PPP1R9A: variants seen among roughly 807,000 people sequenced by gnomAD.
The protein encoded by PPP1R9A is neurabin-1.
In PPP1R9A, 59 loss-of-function variants were observed where a neutral mutation model predicts 141.9. That is an observed-to-expected ratio of 0.42 (90% confidence interval 0.34 to 0.52). The LOEUF (loss-of-function observed/expected upper bound fraction) is 0.52, where lower values mean the gene tolerates loss of function less well. Ranked by LOEUF, PPP1R9A falls within the 20% of genes least tolerant of loss-of-function variation. The pLI is 0.10. For synonymous variants in PPP1R9A, 500 were observed against 569.7 expected, an observed-to-expected ratio of 0.88 and a Z score of 1.74; for missense variants, 1,444 against 1,611.9, an observed-to-expected ratio of 0.90 and a Z score of 1.78.
chr7:94,995,128 A>ATT (rs149964656), intron 2 of PPP1R9A, among the ~76,000 whole-genome samples: 1 of 151,608 alleles, frequency 6.6e-6, no homozygotes, highest in Non-Finnish European at 1.5e-5. Context: ...CTAAGTTGAT[A>ATT]TTTTTTTTCA....
chr7:94,918,357 A>C (rs1421767808), intron 2 of PPP1R9A, among the ~76,000 whole-genome samples: 1 of 152,076 alleles, frequency 6.6e-6, no homozygotes, highest in Non-Finnish European at 1.5e-5. Flanking sequence ...TTCTGCTTGA[A>C]TAATTCTACC....
chr7:94,939,833 C>G (rs973421599), intron 2 of PPP1R9A, among the ~76,000 whole-genome samples: 4 of 151,272 alleles, frequency 2.6e-5, no homozygotes, highest in Non-Finnish European at 4.4e-5. Context: ...CACACACACA[C>G]ACACACACAC....
chr7:94,974,403 G>A (rs1310382843), intron 2 of PPP1R9A, among the ~76,000 whole-genome samples: 1 of 152,158 alleles, frequency 6.6e-6, no homozygotes, highest in East Asian at 1.9e-4. Context: ...GATAAGTTGA[G>A]TGTTATCTTT....
rs993310945 is a variant in PPP1R9A, at chr7:94,910,366, G to C, written c.253G>C (p.Ala85Pro). Residue 85 changes from alanine (A) to proline (P), a missense_variant, in exon 2 of 20, where the codon GCC becomes CCC. Transcript: ENST00000433360. This position sits in a 1 kb window ranked among gnomAD's most constrained non-coding sequence, Gnocchi z 4.5. ...ACCCAACGAGAATGCTGCAGTCATT[G>C]CCAAAACAAGGGGGAAAGGTGGACA... is the stretch of plus-strand genomic sequence containing the variant. ...MEPNENAAVI[A>P]KTRGKGGHSS... 1 of 1,614,100 alleles carries C rather than the reference G, an allele frequency of 6.2e-7. No homozygotes were observed. Among genetic ancestry groups the C allele is most frequent in the African/African-American group, 1.3e-5 (1 of 75,020 alleles).
At position 95,285,602 on chromosome 7, in the gene PPP1R9A, G is replaced by A. The variant is rs150867870; in HGVS notation, c.3610-604G>A. ...TTGGAAACCTGTGTCTGTGCTGTGT[G>A]GCAGCCTCTCTGATGCTCTGCGGGT... On this transcript the variant is annotated intron_variant, in intron 17 of 19. Coordinates refer to ENST00000433360, the MANE Select transcript of PPP1R9A (RefSeq NM_001166160.2). Among the ~76,000 whole-genome samples, 473 of 152,312 alleles carry A rather than the reference G, an allele frequency of 3.1e-3. 1 individual carries two copies. Among genetic ancestry groups the A allele is most frequent in the Non-Finnish European group, 4.6e-3 (316 of 68,028 alleles).
chr7:95,255,626 G>A (rs534537191), intron 12 of PPP1R9A, among the ~76,000 whole-genome samples: 7 of 152,240 alleles, frequency 4.6e-5, no homozygotes, highest in South Asian at 2.1e-4. Flanking sequence ...TATATGATTT[G>A]TGGGATCAAG....
At chr7:95,041,615 A>C (rs539422826) in intron 2 of PPP1R9A, among the ~76,000 whole-genome samples, 1 of 152,094 alleles carries the variant, frequency 6.6e-6, no homozygotes, top group African/African-American at 2.4e-5. Context: ...TTCCTATTGC[A>C]AAGGCTGTGC....
At chr7:95,024,470 G>T (rs1584328181) in intron 2 of PPP1R9A, among the ~76,000 whole-genome samples, 1 of 152,108 alleles carries the variant, frequency 6.6e-6, no homozygotes, top group East Asian at 1.9e-4. Context: ...TGTAGTGGGT[G>T]CATGTATATT....
intron 19 of PPP1R9A, 98 bp from the exon 20 acceptor site, chr7:95,289,993 G>A: frequency 1.4e-5 from 22 of 1,524,676 alleles, no homozygotes; most frequent in Non-Finnish European, 1.9e-5. Context: ...CCTCTTCAAT[G>A]TTTGAATTAG....
intron 2 of PPP1R9A, among the ~76,000 whole-genome samples, chr7:95,070,974 T>C (rs1388895454): frequency 6.6e-6 from 1 of 151,922 alleles, no homozygotes; most frequent in Non-Finnish European, 1.5e-5. Context: ...TGAGGAATAT[T>C]TTTTGTGAGA....
chr7:95,013,225 T>C (rs1804670905), intron 2 of PPP1R9A, among the ~76,000 whole-genome samples: 1 of 152,062 alleles, frequency 6.6e-6, no homozygotes, highest in Admixed American at 6.6e-5. Flanking sequence ...AGGATAGGGG[T>C]TTACCGATGG....
intron 2 of PPP1R9A, among the ~76,000 whole-genome samples, chr7:94,961,299 A>T (rs1227270876): frequency 6.6e-6 from 1 of 151,692 alleles, no homozygotes; most frequent in Non-Finnish European, 1.5e-5. Context: ...TTTTGGTTGT[A>T]TTGAATGTTT....
At chr7:94,992,267 C>A (rs762881683) in intron 2 of PPP1R9A, among the ~76,000 whole-genome samples, 3 of 152,140 alleles carry the variant, frequency 2.0e-5, no homozygotes, top group Admixed American at 6.5e-5. Context: ...TAAATCCAGC[C>A]TTTTTGTTCA....
rs537295951 is a variant in PPP1R9A at position 94,999,894 on chromosome 7, C to G, written c.1395+88386C>G. Among the ~76,000 whole-genome samples, 324 of 151,830 alleles carry G rather than the reference C, an allele frequency of 2.1e-3. 4 individuals are homozygous for G. The highest frequency in any genetic ancestry group is 7.3e-3 in the African/African-American group (304 of 41,362). ...TTAGCTCTTGGCAACCTCGGACTGC[C>G]GGGTTCAAGCGATTCTTGTGCCTCA... is the stretch of plus-strand genomic sequence containing the variant. On this transcript the variant is annotated intron_variant, in intron 2 of 19. Transcript: ENST00000433360.
At chr7:95,138,113 T>C (rs968714971) in intron 4 of PPP1R9A, among the ~76,000 whole-genome samples, 2 of 151,976 alleles carry the variant, frequency 1.3e-5, no homozygotes, top group Admixed American at 1.3e-4. Flanking sequence ...TTTGTATTTT[T>C]AGTAGAGATG....
intron 4 of PPP1R9A, among the ~76,000 whole-genome samples, chr7:95,131,915 A>G (rs1350425479): frequency 6.6e-6 from 1 of 152,072 alleles, no homozygotes; most frequent in Non-Finnish European, 1.5e-5. Context: ...TTTCTTGGTT[A>G]GATGTATTCC....
At chr7:95,055,527 G>A (rs945411070) in intron 2 of PPP1R9A, among the ~76,000 whole-genome samples, 1 of 152,054 alleles carries the variant, frequency 6.6e-6, no homozygotes, top group African/African-American at 2.4e-5. Context: ...TAACATGTTT[G>A]TTTTCTCTTC....
rs576485796 is a variant in PPP1R9A, at chr7:95,231,684, T to C, written c.2112+5568T>C. 5.9e-5 allele frequency among the ~76,000 whole-genome samples: 9 copies of C among 152,206 alleles called. No individual in the cohort carries two copies. The East Asian group carries it at 1.7e-3, about 29-fold the overall frequency. ...AATCAAGATGGAAATTTAAAAGTTA[T>C]TCGAACTATATGATAATAGTGACAC... On this transcript the variant is annotated intron_variant, in intron 8 of 19. Transcript: ENST00000433360.
intron 4 of PPP1R9A, among the ~76,000 whole-genome samples, chr7:95,131,485 A>C (rs1303282828): frequency 6.6e-6 from 1 of 152,080 alleles, no homozygotes; most frequent in Non-Finnish European, 1.5e-5. Flanking sequence ...CCATTGGTTT[A>C]TATGTCTGTG....
Sources: allele counts gnomAD v4.1 joint callset (sites outside exome capture counted in the v4.1 genomes callset), GRCh38; gene constraint gnomAD v4.1.1; non-coding constraint Gnocchi (gnomAD v3.1); transcripts MANE v1.5; gene names NCBI Gene and HGNC (gene_info 2026-07-23, HGNC 2026-07-21).